Variants in NME9 observed in about 807,000 individuals in gnomAD.
NME9 encodes the protein NME/NM23 family member 9, also known as thioredoxin domain-containing protein 6.
NME9 carries 48 observed loss-of-function variants against 44.4 expected under a neutral mutation model. That is an observed-to-expected ratio of 1.08 (90% confidence interval 0.86 to 1.37). The LOEUF is 1.37. NME9 is among the 40% of genes most tolerant of loss of function. NME9 has a pLI of 0.00. For missense variants in NME9, 325 were observed against 405.2 expected (o/e 0.80, Z 1.70); for synonymous variants, 139 against 147.1 (o/e 0.94, Z 0.40).
At chr3:138,290,685 C>G (rs1331163297) in intron 8 of NME9, 1 of 1,336,818 alleles carries the variant, frequency 7.5e-7, no homozygotes, top group Admixed American at 2.0e-5. Flanking sequence ...GTGTTGGATT[C>G]TTTCGTGAAA....
At chr3:138,294,568 A>T (rs1043084762) in intron 8 of NME9, among the ~76,000 whole-genome samples, 2 of 152,222 alleles carry the variant, frequency 1.3e-5, no homozygotes, top group Admixed American at 6.5e-5. Context: ...TATACCACTT[A>T]AAAAACTGTT....
chr3:138,325,815 T>A (rs1398657164), intron 1 of NME9, among the ~76,000 whole-genome samples: 3 of 139,970 alleles, frequency 2.1e-5, no homozygotes, highest in African/African-American at 7.7e-5. Flanking sequence ...TTTTTTTTTT[T>A]AGGTATTTGG....
At chr3:138,319,802 A>G (rs543904748) in intron 2 of NME9, among the ~76,000 whole-genome samples, 1 of 152,362 alleles carries the variant, frequency 6.6e-6, no homozygotes, top group African/African-American at 2.4e-5. Flanking sequence ...TAAATACAGT[A>G]TAAGCATAGC....
intron 8 of NME9, among the ~76,000 whole-genome samples, chr3:138,265,923 A>C (rs1026680105): frequency 6.6e-6 from 1 of 152,094 alleles, no homozygotes; most frequent in African/African-American, 2.4e-5. Flanking sequence ...GACCATATGA[A>C]CCCTGGAGCT....
At chr3:138,299,190 G>C (rs970428714), downstream of NME9, among the ~76,000 whole-genome samples, 2 of 152,116 alleles carry the variant, frequency 1.3e-5, no homozygotes, top group Admixed American at 6.5e-5. Flanking sequence ...CATGAGAGAA[G>C]GTCCAGGATC....
rs767964327 is a variant in NME9, at chr3:138,272,959, C to G, written c.746-10373G>C. 11 of 1,558,280 alleles carry G rather than the reference C, an allele frequency of 7.1e-6. No individual in the cohort carries two copies. The East Asian group carries it at 2.5e-4, about 36-fold the overall frequency. The stretch of plus-strand genomic sequence containing the variant: ...ACATGATTCTTGCAACTTCTTTAAT[C>G]CTTTCAGAATATGGCATTTCAGGCT... On this transcript the variant is annotated intron_variant, in intron 8 of 8. Coordinates refer to the NME9 transcript ENST00000317876.
At chr3:138,274,298 A>T (rs1381436258) in intron 8 of NME9, 1 of 583,914 alleles carries the variant, frequency 1.7e-6, no homozygotes, top group African/African-American at 1.9e-5. Flanking sequence ...TTCAAAATAT[A>T]ATAAACACTG....
Position 138,306,620 on chromosome 3 carries a change from C to T in NME9, c.461-140G>A, listed in dbSNP as rs560752134. ...GCTTGGGCTCTCAGAGTTCCCTTCC[C>T]TGGCCTCTTAGTTTTGCCCCTGCAA... On this transcript the variant is annotated intron_variant, in intron 6 of 10. Coordinates refer to ENST00000333911, the MANE Select transcript of NME9 (RefSeq NM_001349018.2). The T allele has an allele frequency of 8.2e-6, 5 of 608,832 alleles. No homozygotes were observed. The African/African-American group carries it at 9.4e-5, about 11-fold the overall frequency. 37.7% of individuals were successfully genotyped at this position (608,832 alleles called of 1,614,324 possible). A position where few individuals can be genotyped will look rare whatever the true frequency, so the allele number is the denominator to read the frequency against.
intron 1 of NME9, among the ~76,000 whole-genome samples, chr3:138,326,231 T>A (rs1274011296): frequency 6.6e-6 from 1 of 152,194 alleles, no homozygotes; most frequent in Non-Finnish European, 1.5e-5. Context: ...AAGCTGAAGA[T>A]CATTCCTCTC....
At chr3:138,296,172 AT>A (rs1199561940), downstream of NME9, 6 of 343,830 alleles carry the variant, frequency 1.7e-5, no homozygotes, top group South Asian at 2.3e-4. Flanking sequence ...TGGACCTACA[AT>A]TTTTGCCTAT....
At chr3:138,277,641 T>C (rs2049432015) in intron 8 of NME9, among the ~76,000 whole-genome samples, 1 of 152,224 alleles carries the variant, frequency 6.6e-6, no homozygotes, top group Admixed American at 6.5e-5. Flanking sequence ...GCTAAAAATT[T>C]TTTTAAAACA....
intron 8 of NME9, among the ~76,000 whole-genome samples, chr3:138,285,077 A>G (rs1012135935): frequency 2.6e-5 from 4 of 152,166 alleles, no homozygotes; most frequent in Non-Finnish European, 5.9e-5. Context: ...TGTCACACCT[A>G]TCTGTCTTCT....
intron 8 of NME9, chr3:138,264,102 G>C (rs368111389): frequency 4.2e-5 from 67 of 1,595,196 alleles, no homozygotes; most frequent in African/African-American, 5.4e-5. Flanking sequence ...TTGATTTCTT[G>C]TGAAGCTAAT....
At chr3:138,272,880 A>G in intron 8 of NME9, 1 of 1,120,956 alleles carries the variant, frequency 8.9e-7, no homozygotes, top group Non-Finnish European at 1.2e-6. Context: ...TCAAAAAAAT[A>G]AAAAAAAATT....
At chr3:138,271,798 C>CTTTCTTTTTTTTTTTTTTTTTTTT (rs1018824241) in intron 8 of NME9, among the ~76,000 whole-genome samples, 22 of 136,122 alleles carry the variant, frequency 1.6e-4, no homozygotes, top group African/African-American at 5.7e-4. Context: ...TTTTTTCTTT[C>CTTTCTTTTTTTTTTTTTTTTTTTT]TTTTTTTTTT....
chr3:138,262,564 C>T (rs144249334), exon 9 of NME9: 10 of 1,611,712 alleles, frequency 6.2e-6, no homozygotes, highest in Non-Finnish European at 8.5e-6. Context: ...TGATCTTCAA[C>T]CTTGGCTGTG....
In NME9 at chr3:138,324,902, T is replaced by G; in HGVS notation, c.62A>C (p.Glu21Ala). The G allele has an allele frequency of 6.2e-7, 1 of 1,613,860 alleles. No homozygotes were observed. The highest frequency in any genetic ancestry group is 8.5e-7 in the Non-Finnish European group (1 of 1,179,778). Residue 21 changes from glutamate to alanine, a missense_variant, in exon 2 of 11, where the codon GAG (glutamate) becomes GCG (alanine). Glu to Ala is a moderately radical substitution (Grantham distance 107). Transcript: ENST00000333911. ...TAGTCCTTTGGAACTGAGCATTTCC[T>G]CCCAAAGCTCTTGGGTGCTGATGTT... ...QVNISTQELW[E>A]EMLSSKGLTV...
chr3:138,299,973 A>C (rs2051755397), downstream of NME9, among the ~76,000 whole-genome samples: 1 of 152,146 alleles, frequency 6.6e-6, no homozygotes, highest in Non-Finnish European at 1.5e-5. Flanking sequence ...AAGCCCAGGC[A>C]TAGGGCTTCT....
chr3:138,328,035 C>G (rs951246806), intron 1 of NME9, among the ~76,000 whole-genome samples: 1 of 152,104 alleles, frequency 6.6e-6, no homozygotes, highest in Non-Finnish European at 1.5e-5. Context: ...CTCCTGTCTA[C>G]GTAAAGGATA....
Sources: gnomAD v4.1 joint callset for allele counts (sites outside exome capture counted in the v4.1 genomes callset) on GRCh38, gnomAD v4.1.1 for gene constraint, MANE v1.5 for transcripts, NCBI Gene and HGNC (gene_info 2026-07-23, HGNC 2026-07-21) for gene names.